ELOVL6: variants seen among roughly 807,000 people sequenced by gnomAD.
ELOVL6 encodes the protein very long chain fatty acid elongase 6.
Under a neutral mutation model 31.7 loss-of-function variants are expected in ELOVL6, and 8 were observed. The ratio of observed to expected loss-of-function variants is 0.25; its 90% CI spans 0.15 to 0.45. The LOEUF is 0.45. Among genes scored for constraint, ELOVL6 ranks in the 20% least tolerant of loss-of-function variants. The pLI is 1.00. For synonymous variants in ELOVL6, 101 were observed against 117.7 expected (o/e 0.86, Z 0.92); for missense variants, 126 against 326.4 (o/e 0.39, Z 4.73).
At chr4:110,118,578 T>C (rs1757253899) in intron 1 of ELOVL6, among the ~76,000 whole-genome samples, 1 of 152,222 alleles carries the variant, frequency 6.6e-6, no homozygotes. Context: ...TCACAAATGA[T>C]AGAATCTCTT....
intron 1 of ELOVL6, among the ~76,000 whole-genome samples, chr4:110,107,778 T>C (rs891308533): frequency 1.3e-5 from 2 of 152,162 alleles, no homozygotes; most frequent in African/African-American, 4.8e-5. Flanking sequence ...GTATATACTT[T>C]TTTTCTAATT....
At chr4:110,197,925 G>C in intron 1 of ELOVL6, 1 of 401,414 alleles carries the variant, frequency 2.5e-6, no homozygotes, top group South Asian at 2.9e-5. Flanking sequence ...ACAGGTAGGC[G>C]ATCTGGACTG....
chr4:110,142,584 T>C (rs544736498), intron 1 of ELOVL6, among the ~76,000 whole-genome samples: 2 of 152,356 alleles, frequency 1.3e-5, no homozygotes, highest in South Asian at 4.1e-4. Context: ...CTTAATGGAA[T>C]AACCAGGAAG....
At chr4:110,072,637 C>T (rs994726332) in intron 2 of ELOVL6, among the ~76,000 whole-genome samples, 1 of 152,020 alleles carries the variant, frequency 6.6e-6, no homozygotes, top group Non-Finnish European at 1.5e-5. Context: ...ACTATGTTGC[C>T]GAGTTCATCT....
chr4:110,160,949 A>G (rs1345021874), intron 1 of ELOVL6, among the ~76,000 whole-genome samples: 1 of 152,212 alleles, frequency 6.6e-6, no homozygotes, highest in African/African-American at 2.4e-5. Context: ...AACAGAGTAG[A>G]TCAGTACTAA....
intron 1 of ELOVL6, among the ~76,000 whole-genome samples, chr4:110,155,404 C>CA (rs993663413): frequency 1.4e-4 from 21 of 150,928 alleles, no homozygotes; most frequent in South Asian, 8.4e-4. Flanking sequence ...TAATCTATAG[C>CA]AAAAAAAATT....
rs1247539909 is a variant in ELOVL6, at chr4:110,198,417, T to C, written c.-82A>G. On this transcript the variant is annotated 5_prime_UTR_variant, in exon 1 of 4. Coordinates refer to ENST00000302274, the MANE Select transcript of ELOVL6 (RefSeq NM_024090.3). ...AAGCGCTTGATTTCGAGTGTTCTCC[T>C]GTCTGCTTCCCCCACCCACCCCCCT... 1 of 875,088 alleles carries C rather than the reference T, an allele frequency of 1.1e-6. No homozygotes were observed. The highest frequency in any genetic ancestry group is 1.8e-6 in the Non-Finnish European group (1 of 542,412). The allele number at this position is 875,088 out of a possible 1,614,324, so 54.2% of individuals were successfully genotyped here. A position where few individuals can be genotyped will look rare whatever the true frequency, so the allele number is the denominator to read the frequency against.
chr4:110,095,416 A>G (rs1756552529), intron 2 of ELOVL6, among the ~76,000 whole-genome samples: 1 of 149,212 alleles, frequency 6.7e-6, no homozygotes, highest in African/African-American at 2.5e-5. Flanking sequence ...CAGGAGAAAG[A>G]GGTTGCAGTG....
intron 2 of ELOVL6, among the ~76,000 whole-genome samples, chr4:110,100,156 T>A (rs1264765806): frequency 1.3e-5 from 2 of 151,832 alleles, no homozygotes. Context: ...TTATAAAGAT[T>A]AATTGACACC....
At chr4:110,189,622 A>G (rs1308503628) in intron 1 of ELOVL6, among the ~76,000 whole-genome samples, 1 of 145,178 alleles carries the variant, frequency 6.9e-6, no homozygotes, top group Non-Finnish European at 1.5e-5. Flanking sequence ...AAAGAGAGAG[A>G]GAGAGAGAAA....
chr4:110,086,026 A>G (rs1756254254), intron 2 of ELOVL6, among the ~76,000 whole-genome samples: 1 of 152,206 alleles, frequency 6.6e-6, no homozygotes, highest in Admixed American at 6.5e-5. Context: ...GATTTTTAAC[A>G]AACATTCCAG....
chr4:110,141,489 A>G (rs1757954368), intron 1 of ELOVL6, among the ~76,000 whole-genome samples: 1 of 152,134 alleles, frequency 6.6e-6, no homozygotes, highest in African/African-American at 2.4e-5. Context: ...ACACTCAGAA[A>G]GGGGGTGTAT....
chr4:110,152,524 C>G (rs1192191598), intron 1 of ELOVL6, among the ~76,000 whole-genome samples: 1 of 152,216 alleles, frequency 6.6e-6, no homozygotes, highest in Non-Finnish European at 1.5e-5. Context: ...AGTGCCACGC[C>G]CGGCCTTTCT....
At chr4:110,073,797 G>C (rs1054297791) in intron 2 of ELOVL6, among the ~76,000 whole-genome samples, 1 of 152,184 alleles carries the variant, frequency 6.6e-6, no homozygotes. Context: ...TCCATCTGAA[G>C]TGTGAGAGGG....
chr4:110,095,607 T>A (rs1756559453), intron 2 of ELOVL6, among the ~76,000 whole-genome samples: 2 of 151,936 alleles, frequency 1.3e-5, no homozygotes, highest in South Asian at 4.2e-4. Flanking sequence ...AAAAGGTGAG[T>A]CAAGGCAAGA....
chr4:110,172,607 A>C (rs903155276), intron 1 of ELOVL6, among the ~76,000 whole-genome samples: 1 of 152,192 alleles, frequency 6.6e-6, no homozygotes, highest in African/African-American at 2.4e-5. Flanking sequence ...AGAGCCTTCT[A>C]GGATAGCATC....
chr4:110,148,109 CAAAAAAAAAAAA>C (rs1157605540), intron 1 of ELOVL6, among the ~76,000 whole-genome samples: 1 of 54,938 alleles, frequency 1.8e-5, no homozygotes, highest in African/African-American at 6.1e-5. Context: ...AACTCGGTCT[CAAAAAAAAAAAA>C]AAAAAAAAGC....
rs901504846 is a variant in ELOVL6, at chr4:110,048,316, A to G, written c.*3022T>C. ...AAACCCCCTGCTTTATGAATAGAGC[A>G]TTTCTCACTAGAACTTCATTGCAAA... On this transcript the variant is annotated 3_prime_UTR_variant, in exon 4 of 4. Transcript: ENST00000302274. 3.9e-5 allele frequency: 6 copies of G among 152,222 alleles called. No individual in the cohort carries two copies. The highest frequency in any genetic ancestry group is 1.4e-4 in the African/African-American group (6 of 41,448). The allele number at this position is 152,222 out of a possible 1,614,324, so 9.4% of individuals were successfully genotyped here.
chr4:110,059,770 A>G lies in ELOVL6; in HGVS notation c.222-16T>C. On this transcript the variant is annotated splice_polypyrimidine_tract_variant and intron_variant, in intron 2 of 3. Transcript: ENST00000302274. Reference sequence around the variant, plus strand: ...ACCGAATATACTTCATAATGAAAAGAGAAAAGAAACAGCATTTAGGAAAAT... The same window carrying G: ...ACCGAATATACTTCATAATGAAAAGGGAAAAGAAACAGCATTTAGGAAAAT... The G allele has an allele frequency of 6.3e-7, 1 of 1,597,262 alleles. No individual in the cohort carries two copies. The highest frequency in any genetic ancestry group is 8.5e-7 in the Non-Finnish European group (1 of 1,171,524).
Sources: gnomAD v4.1 joint callset for allele counts (sites outside exome capture counted in the v4.1 genomes callset) on GRCh38, gnomAD v4.1.1 for gene constraint, MANE v1.5 for transcripts, NCBI Gene and HGNC (gene_info 2026-07-23, HGNC 2026-07-21) for gene names.